The following KIF3C variants were observed in gnomAD, a reference collection of about 807,000 sequenced individuals.
KIF3C encodes the protein kinesin family member 3C, also known as kinesin-like protein KIF3C.
KIF3C carries 12 observed loss-of-function variants against 67.7 expected under a neutral mutation model. The observed-to-expected ratio is 0.18, with a 90% confidence interval of 0.11 to 0.29. The LOEUF is 0.29. Among genes scored for constraint, KIF3C ranks in the 10% least tolerant of loss-of-function variants. The pLI, the probability that KIF3C is intolerant of heterozygous loss-of-function variation, is 1.00. For synonymous variants in KIF3C, 393 were observed against 426.2 expected (o/e 0.92, Z 0.96); for missense variants, 789 against 1,059.6 (o/e 0.74, Z 3.55).
intron 1 of KIF3C, among the ~76,000 whole-genome samples, chr2:25,962,826 A>ATAT (rs1559555136): frequency 1.1e-4 from 7 of 64,488 alleles, no homozygotes; most frequent in African/African-American, 4.3e-4. Flanking sequence ...ATAATATATA[A>ATAT]AATATATAAA....
intron 5 of KIF3C, among the ~76,000 whole-genome samples, chr2:25,939,903 T>C (rs1663240301): frequency 6.6e-6 from 1 of 151,908 alleles, no homozygotes; most frequent in Admixed American, 6.6e-5. Context: ...TGAGCCAAGA[T>C]CGTGCCACTG....
Position 25,955,837 on chromosome 2 carries a change from A to G in KIF3C, c.1648-174T>C, listed in dbSNP as rs1002397928. On this transcript the variant is annotated intron_variant, in intron 2 of 7. Coordinates refer to ENST00000264712, the MANE Select transcript of KIF3C (RefSeq NM_002254.8). The surrounding 1 kb of genome is among the most constrained non-coding windows in gnomAD (Gnocchi z 5.0). Reference sequence around the variant, plus strand: ...CAGAGCCCCTGGGAACCCTCCTCTCAGTTCCCAGGGCCATGCCTTTGCCAG... The same window carrying G: ...CAGAGCCCCTGGGAACCCTCCTCTCGGTTCCCAGGGCCATGCCTTTGCCAG... 6.6e-6 allele frequency among the ~76,000 whole-genome samples: 1 copy of G among 152,002 alleles called. No homozygotes were observed. The highest frequency in any genetic ancestry group is 1.5e-5 in the Non-Finnish European group (1 of 67,986).
At chr2:25,954,472 CAG>C (rs1042965475) in intron 3 of KIF3C, 87 bp from the exon 4 acceptor site, 60 of 950,178 alleles carry the variant, frequency 6.3e-5, no homozygotes, top group Non-Finnish European at 9.2e-5. Context: ...GCTGCAGGCT[CAG>C]AGTCTACCGA....
At chr2:25,951,564 C>T (rs1663612873) in intron 5 of KIF3C, 2 of 477,474 alleles carry the variant, frequency 4.2e-6, no homozygotes, top group East Asian at 3.8e-5. Flanking sequence ...GTATTTTCTG[C>T]ATCCCAGGCC....
chr2:25,955,427 T>A lies in KIF3C; in HGVS notation c.1770+114A>T. Reference sequence around the variant, plus strand: ...CACCCCCGAGGCCAAGCCATGTCACTCAGGGGTTCAGCAGTTCCAGCCAAA... The same window carrying A: ...CACCCCCGAGGCCAAGCCATGTCACACAGGGGTTCAGCAGTTCCAGCCAAA... On this transcript the variant is annotated intron_variant, in intron 3 of 7. Transcript: ENST00000264712. The surrounding 1 kb of genome is among the most constrained non-coding windows in gnomAD (Gnocchi z 5.0). 2 of 1,312,676 alleles carry A rather than the reference T, an allele frequency of 1.5e-6. No individual in the cohort carries two copies. Among genetic ancestry groups the A allele is most frequent in the East Asian group, 2.5e-5 (1 of 40,418 alleles). 81.3% of individuals were successfully genotyped at this position (1,312,676 alleles called of 1,614,324 possible).
At chr2:25,978,362 T>A (rs1233825419) in intron 1 of KIF3C, among the ~76,000 whole-genome samples, 1 of 152,158 alleles carries the variant, frequency 6.6e-6, no homozygotes, top group Non-Finnish European at 1.5e-5. Flanking sequence ...TAAAAATGAA[T>A]TACTCTGATT....
At position 25,954,332 on chromosome 2, in the gene KIF3C, C is replaced by T; in HGVS notation, c.1824G>A (p.Glu608=). 6.2e-7 allele frequency: 1 copy of T among 1,614,154 alleles called. No homozygotes were observed. The highest frequency in any genetic ancestry group is 8.5e-7 in the Non-Finnish European group (1 of 1,180,026). ...VKAEIQDQHD[E]YIRVRQDLEE... ...CCAGGTCCTGCCGCACGCGGATATA[C>T]TCATCATGCTGGTCCTGGATCTCCG... The change falls in exon 4 of 8, where the codon GAG becomes GAA. Residue 608 remains glutamate, a synonymous_variant. Coordinates refer to ENST00000264712, the MANE Select transcript of KIF3C (RefSeq NM_002254.8).
At chr2:25,932,457 T>A (rs1208189933) in intron 5 of KIF3C, among the ~76,000 whole-genome samples, 1 of 151,164 alleles carries the variant, frequency 6.6e-6, no homozygotes, top group Non-Finnish European at 1.5e-5. Context: ...TTCATAGGAG[T>A]TAGCATAATA....
intron 5 of KIF3C, among the ~76,000 whole-genome samples, chr2:25,943,765 G>A (rs777753634): frequency 1.1e-4 from 16 of 151,720 alleles, no homozygotes; most frequent in Admixed American, 2.6e-4. Context: ...CTCGGGAGGC[G>A]GAGGCAAGAG....
At chr2:25,969,755 A>G (rs995063218) in intron 1 of KIF3C, among the ~76,000 whole-genome samples, 4 of 150,304 alleles carry the variant, frequency 2.7e-5, no homozygotes, top group Non-Finnish European at 4.4e-5. Flanking sequence ...GTCTCACTCT[A>G]TTGCCCAGGC....
At chr2:25,939,272 C>T (rs1034543926) in intron 5 of KIF3C, among the ~76,000 whole-genome samples, 1 of 152,078 alleles carries the variant, frequency 6.6e-6, no homozygotes, top group Non-Finnish European at 1.5e-5. Flanking sequence ...CTGGCCTCCC[C>T]CTCTTGTTCT....
At chr2:25,945,979 G>A (rs1050110060) in intron 5 of KIF3C, among the ~76,000 whole-genome samples, 3 of 151,984 alleles carry the variant, frequency 2.0e-5, no homozygotes, top group African/African-American at 7.3e-5. Context: ...CGGGCATGGT[G>A]GTGGGTGCCT....
chr2:25,950,031 C>T (rs1370374914), intron 5 of KIF3C, among the ~76,000 whole-genome samples: 1 of 151,248 alleles, frequency 6.6e-6, no homozygotes, highest in Non-Finnish European at 1.5e-5. Context: ...GCTGAGACTG[C>T]AGGTGCATGC....
intron 1 of KIF3C, among the ~76,000 whole-genome samples, chr2:25,973,509 G>A (rs766025889): frequency 4.8e-5 from 7 of 147,236 alleles, no homozygotes; most frequent in Non-Finnish European, 7.4e-5. Context: ...AGCTAAGATC[G>A]TCCCACTGTA....
intron 5 of KIF3C, among the ~76,000 whole-genome samples, chr2:25,940,948 C>T (rs559923335): frequency 7.1e-4 from 108 of 152,152 alleles, no homozygotes; most frequent in South Asian, 2.1e-3. Flanking sequence ...CCACCACACC[C>T]GGCCAAATTC....
At chr2:25,954,511 C>T in intron 3 of KIF3C, 126 bp from the exon 4 acceptor site, 1 of 670,712 alleles carries the variant, frequency 1.5e-6, no homozygotes, top group Non-Finnish European at 2.6e-6. Context: ...GCTGCGGGTC[C>T]TTTTCTGAAC....
At chr2:25,961,947 C>CA (rs201677055) in intron 1 of KIF3C, among the ~76,000 whole-genome samples, 4,135 of 92,206 alleles carry the variant, frequency 0.045, 105 homozygotes, top group Middle Eastern at 0.15. Context: ...GACTCCATCT[C>CA]AAAAAAAAAA....
chr2:25,933,080 G>A (rs549397291), intron 5 of KIF3C, among the ~76,000 whole-genome samples: 4 of 152,006 alleles, frequency 2.6e-5, no homozygotes, highest in South Asian at 2.1e-4. Context: ...GTGAAACCCC[G>A]TCTCTAGTAA....
intron 5 of KIF3C, among the ~76,000 whole-genome samples, chr2:25,942,506 G>C (rs1447683213): frequency 6.6e-6 from 1 of 151,632 alleles, no homozygotes; most frequent in African/African-American, 2.4e-5. Context: ...TGCCTCCTGG[G>C]TTCAAGCGAT....
Sources: allele counts gnomAD v4.1 joint callset (sites outside exome capture counted in the v4.1 genomes callset), GRCh38; gene constraint gnomAD v4.1.1; non-coding constraint Gnocchi (gnomAD v3.1); transcripts MANE v1.5; gene names NCBI Gene and HGNC (gene_info 2026-07-23, HGNC 2026-07-21).